Variants in EBF2 observed in about 807,000 individuals in gnomAD.
EBF2 encodes transcription factor COE2.
EBF2 carries 21 observed loss-of-function variants against 72.8 expected under a neutral mutation model. The ratio of observed to expected loss-of-function variants is 0.29; its 90% CI spans 0.20 to 0.42. EBF2 has a LOEUF of 0.42. Among genes scored for constraint, EBF2 ranks in the 10% least tolerant of loss-of-function variants. The pLI, the probability that EBF2 is intolerant of heterozygous loss-of-function variation, is 1.00. For missense variants in EBF2, 637 were observed against 731.2 expected (o/e 0.87, Z 1.49); for synonymous variants, 299 against 274.2 (o/e 1.09, Z -0.89).
At chr8:25,858,649 AGCT>A in intron 13 of EBF2, 145 bp from the exon 14 acceptor site, 1 of 214,040 alleles carries the variant, frequency 4.7e-6, no homozygotes. Context: ...GTCCATCTTT[AGCT>A]TTTTTTTTTT....
At chr8:25,858,205 C>T in intron 14 of EBF2, 114 bp downstream of exon 14, 2 of 1,298,560 alleles carry the variant, frequency 1.5e-6, no homozygotes, top group Non-Finnish European at 2.2e-6. Context: ...GGAAACTAGG[C>T]TGCTCCCCGA....
At chr8:25,899,517 T>C (rs1003335482) in intron 7 of EBF2, among the ~76,000 whole-genome samples, 4 of 152,106 alleles carry the variant, frequency 2.6e-5, no homozygotes, top group African/African-American at 9.7e-5. Context: ...CCATTTGGAG[T>C]TAATTTAAAC....
intron 6 of EBF2, among the ~76,000 whole-genome samples, chr8:25,939,208 T>G (rs113299168): frequency 9.5e-4 from 145 of 152,346 alleles, no homozygotes; most frequent in African/African-American, 3.3e-3. Context: ...GTTCCTTTCT[T>G]TTACATCACT....
chr8:26,030,270 T>C (rs1352736271), intron 6 of EBF2, among the ~76,000 whole-genome samples: 1 of 152,216 alleles, frequency 6.6e-6, no homozygotes, highest in Non-Finnish European at 1.5e-5. Context: ...GTTCTCATTG[T>C]TCAATTCCCA....
intron 7 of EBF2, among the ~76,000 whole-genome samples, chr8:25,895,252 G>A (rs1189393797): frequency 6.6e-6 from 1 of 152,144 alleles, no homozygotes; most frequent in African/African-American, 2.4e-5. Flanking sequence ...ATTTATTTAG[G>A]ACAAAGTACC....
intron 6 of EBF2, among the ~76,000 whole-genome samples, chr8:25,960,940 A>G (rs1185063235): frequency 6.6e-6 from 1 of 152,232 alleles, no homozygotes; most frequent in East Asian, 1.9e-4. Context: ...ACACGTAAAT[A>G]TAAAAATGTG....
rs1352025 is a variant in EBF2, at chr8:25,928,279, T to C, written c.552-19724A>G. Among the ~76,000 whole-genome samples, 790 of 151,904 alleles carry C rather than the reference T, an allele frequency of 5.2e-3. 7 individuals carry two copies. The highest frequency in any genetic ancestry group is 0.018 in the African/African-American group (749 of 41,354). On this transcript the variant is annotated intron_variant, in intron 6 of 15. Transcript: ENST00000520164. ...GCTGGATTTCCACATGCTGCAGGAA[T>C]TGAAGAACCTCTTAGAAACCTGGTC... is the stretch of plus-strand genomic sequence containing the variant.
intron 6 of EBF2, among the ~76,000 whole-genome samples, chr8:26,010,546 C>G (rs1490885194): frequency 6.6e-6 from 1 of 152,188 alleles, no homozygotes; most frequent in African/African-American, 2.4e-5. Context: ...CCGTTCCCGG[C>G]AGAAAATACC....
intron 6 of EBF2, among the ~76,000 whole-genome samples, chr8:25,983,311 G>A (rs1472029445): frequency 2.6e-5 from 4 of 152,158 alleles, no homozygotes; most frequent in Non-Finnish European, 5.9e-5. Context: ...GGACTCAAAC[G>A]TGTAAAAATG....
chr8:26,040,478 G>C (rs1805579780), intron 4 of EBF2, 138 bp downstream of exon 4: 2 of 761,820 alleles, frequency 2.6e-6, no homozygotes, highest in Non-Finnish European at 4.2e-6. Context: ...CAGACAAGGT[G>C]CTGGGAGGGG....
chr8:25,960,419 CA>C (rs1804017445), intron 6 of EBF2, among the ~76,000 whole-genome samples: 1 of 152,196 alleles, frequency 6.6e-6, no homozygotes, highest in Admixed American at 6.5e-5. Flanking sequence ...GGAGGCAGAG[CA>C]AAACCACTGC....
chr8:25,846,192 A>C (rs114645174), intron 15 of EBF2, among the ~76,000 whole-genome samples: 3 of 152,206 alleles, frequency 2.0e-5, no homozygotes, highest in African/African-American at 7.2e-5. Context: ...TTAGAGATAT[A>C]GCAACCCTAG....
At chr8:25,891,566 C>T (rs917258460) in intron 7 of EBF2, among the ~76,000 whole-genome samples, 3 of 150,674 alleles carry the variant, frequency 2.0e-5, no homozygotes, top group Non-Finnish European at 4.4e-5. Flanking sequence ...GGGCAGGGGG[C>T]TTGATCCTGT....
chr8:25,916,129 T>C (rs945713330), intron 6 of EBF2, among the ~76,000 whole-genome samples: 2 of 151,398 alleles, frequency 1.3e-5, no homozygotes, highest in Non-Finnish European at 2.9e-5. Flanking sequence ...CTACTACATA[T>C]ACAAAAATTA....
At chr8:26,031,475 A>G (rs1365531062) in intron 6 of EBF2, 1 of 119,628 alleles carries the variant, frequency 8.4e-6, no homozygotes, top group Admixed American at 1.2e-4. Context: ...TGTCTCTGTC[A>G]CCCAGGCTGG....
intron 7 of EBF2, among the ~76,000 whole-genome samples, chr8:25,895,734 C>T (rs1300866850): frequency 6.6e-6 from 1 of 152,220 alleles, no homozygotes; most frequent in Non-Finnish European, 1.5e-5. Context: ...GTGGGGGTCA[C>T]CCTTCAGGTG....
chr8:25,910,510 C>G (rs1344283216), intron 6 of EBF2, among the ~76,000 whole-genome samples: 1 of 152,148 alleles, frequency 6.6e-6, no homozygotes, highest in Non-Finnish European at 1.5e-5. Context: ...CCCCCACTCC[C>G]CGCTCCAAAA....
intron 6 of EBF2, among the ~76,000 whole-genome samples, chr8:26,000,885 CGTT>C (rs1241556361): frequency 1.3e-5 from 2 of 152,066 alleles, no homozygotes; most frequent in African/African-American, 4.8e-5. Flanking sequence ...AAAGGAAAAT[CGTT>C]GTATTATGGA....
At chr8:25,924,814 G>T (rs190791656) in intron 6 of EBF2, among the ~76,000 whole-genome samples, 22 of 152,322 alleles carry the variant, frequency 1.4e-4, no homozygotes, top group African/African-American at 5.3e-4. Context: ...ACAAGACATT[G>T]CAAGTCCAGC....
Sources: gnomAD v4.1 joint callset for allele counts (sites outside exome capture counted in the v4.1 genomes callset) on GRCh38, gnomAD v4.1.1 for gene constraint, MANE v1.5 for transcripts, NCBI Gene and HGNC (gene_info 2026-07-23, HGNC 2026-07-21) for gene names.